ZNF451: variants seen among roughly 807,000 people sequenced by gnomAD.
The protein encoded by ZNF451 is zinc finger protein 451, also known as E3 SUMO-protein ligase ZNF451.
In ZNF451, 80 loss-of-function variants were observed where a neutral mutation model predicts 107.1. The observed-to-expected ratio is 0.75, with a 90% CI of 0.62 to 0.90. The LOEUF (loss-of-function observed/expected upper bound fraction) is 0.90. Ranked by LOEUF, ZNF451 falls within the 40% of genes least tolerant of loss-of-function variation. The pLI, the probability that ZNF451 is intolerant of heterozygous loss-of-function variation, is 0.00. For missense variants in ZNF451, 1,107 were observed against 1,236.2 expected (o/e 0.90, Z 1.57); for synonymous variants, 362 against 406.5 (o/e 0.89, Z 1.32).
At chr6:57,108,966 T>C (rs2127947062) in intron 3 of ZNF451, 3 of 985,446 alleles carry the variant, frequency 3.0e-6, no homozygotes, top group Non-Finnish European at 3.6e-6. Flanking sequence ...CCATGTGTTT[T>C]TCAAAGCCCC....
chr6:57,154,295 G>A, intron 13 of ZNF451: 2 of 588,960 alleles, frequency 3.4e-6, no homozygotes, highest in Admixed American at 3.0e-5. Context: ...CTATATTGAT[G>A]TATATAAAAC....
intron 13 of ZNF451, among the ~76,000 whole-genome samples, chr6:57,158,085 A>G (rs1763514344): frequency 6.6e-6 from 1 of 152,218 alleles, no homozygotes; most frequent in Non-Finnish European, 1.5e-5. Flanking sequence ...GGAAGGAAGC[A>G]CAGGTTCAGA....
intron 2 of ZNF451, among the ~76,000 whole-genome samples, chr6:57,097,277 A>G (rs1005580984): frequency 5.3e-5 from 8 of 152,144 alleles, no homozygotes; most frequent in Admixed American, 5.2e-4. Context: ...AAAAGATGGC[A>G]GTTTCTTGGT....
intron 3 of ZNF451, chr6:57,104,879 G>C: frequency 1.0e-6 from 1 of 985,398 alleles, no homozygotes; most frequent in Non-Finnish European, 1.2e-6. Context: ...TCAAATTGGT[G>C]ACCAAGTAGT....
intron 3 of ZNF451, chr6:57,108,602 T>C: frequency 4.1e-6 from 4 of 985,436 alleles, no homozygotes; most frequent in Non-Finnish European, 4.8e-6. Flanking sequence ...AATATAGTTA[T>C]ATAAGTAGTC....
At chr6:57,163,948 C>T (rs1763792938) in intron 14 of ZNF451, among the ~76,000 whole-genome samples, 1 of 152,104 alleles carries the variant, frequency 6.6e-6, no homozygotes, top group Non-Finnish European at 1.5e-5. Flanking sequence ...TTTAAGCAAC[C>T]TCTTAAGTGT....
chr6:57,156,628 T>C (rs1425795848), intron 13 of ZNF451, among the ~76,000 whole-genome samples: 1 of 152,204 alleles, frequency 6.6e-6, no homozygotes, highest in Non-Finnish European at 1.5e-5. Context: ...TCCCCCAAAA[T>C]AAACATGTAT....
intron 2 of ZNF451, among the ~76,000 whole-genome samples, chr6:57,097,453 T>G (rs1829383049): frequency 6.6e-6 from 1 of 152,234 alleles, no homozygotes; most frequent in South Asian, 2.1e-4. Flanking sequence ...TCCTTTCTTT[T>G]GTTTCCAACA....
intron 3 of ZNF451, among the ~76,000 whole-genome samples, chr6:57,112,219 G>T (rs1230450047): frequency 6.6e-6 from 1 of 152,222 alleles, no homozygotes; most frequent in African/African-American, 2.4e-5. Flanking sequence ...GCAAACTTCA[G>T]ACCAAACTAT....
chr6:57,144,816 G>A (rs1831979704), intron 9 of ZNF451, among the ~76,000 whole-genome samples: 1 of 151,952 alleles, frequency 6.6e-6, no homozygotes, highest in Admixed American at 6.6e-5. Context: ...TGTAATCCCA[G>A]CTACTTGGTG....
At chr6:57,143,106 A>G (rs1160723048) in intron 9 of ZNF451, among the ~76,000 whole-genome samples, 2 of 151,982 alleles carry the variant, frequency 1.3e-5, no homozygotes, top group Non-Finnish European at 2.9e-5. Context: ...AGAATACAGG[A>G]ATTTCTAGAA....
chr6:57,126,558 C>G (rs1830938563), intron 4 of ZNF451: 1 of 151,974 alleles, frequency 6.6e-6, no homozygotes, highest in South Asian at 2.1e-4. Flanking sequence ...GGTGTCTTCA[C>G]TATTAAAGTA....
chr6:57,107,862 G>A (rs930886953), intron 3 of ZNF451: 58 of 893,464 alleles, frequency 6.5e-5, no homozygotes, highest in Middle Eastern at 5.7e-4. Context: ...TTTTTGAGAC[G>A]GAGTCTTGCT....
chr6:57,119,861 T>C (rs1021027029), intron 3 of ZNF451, among the ~76,000 whole-genome samples: 1 of 152,228 alleles, frequency 6.6e-6, no homozygotes, highest in Admixed American at 6.5e-5. Context: ...ATTACTTTTT[T>C]TTTTTTTGGT....
intron 3 of ZNF451, chr6:57,115,553 G>T (rs1192078067): frequency 6.6e-6 from 1 of 152,146 alleles, no homozygotes; most frequent in Non-Finnish European, 1.5e-5. Context: ...TTTGCTCTGT[G>T]CATGTTTTAC....
intron 9 of ZNF451, among the ~76,000 whole-genome samples, chr6:57,146,615 A>C (rs1593155509): frequency 6.6e-6 from 1 of 152,084 alleles, no homozygotes; most frequent in Admixed American, 6.6e-5. Flanking sequence ...ATTCTGTTCC[A>C]TTGATCTGTG....
At chr6:57,133,561 A>G (rs555972856) in intron 6 of ZNF451, among the ~76,000 whole-genome samples, 11 of 152,352 alleles carry the variant, frequency 7.2e-5, no homozygotes, top group Non-Finnish European at 1.5e-4. Context: ...GCCTGAAGAA[A>G]GGTAATAGGC....
At chr6:57,127,160 G>C (rs947630931) in intron 4 of ZNF451, among the ~76,000 whole-genome samples, 7 of 152,198 alleles carry the variant, frequency 4.6e-5, no homozygotes, top group Admixed American at 3.9e-4. Flanking sequence ...ATTCAGTATA[G>C]TGATCCTGTA....
chr6:57,119,397 C>T (rs1403133242), intron 3 of ZNF451, among the ~76,000 whole-genome samples: 4 of 152,010 alleles, frequency 2.6e-5, no homozygotes, highest in Admixed American at 6.5e-5. Context: ...TGGTGGCACG[C>T]GCCTGCAATC....
Sources: gnomAD v4.1 joint callset for allele counts (sites outside exome capture counted in the v4.1 genomes callset) on GRCh38, gnomAD v4.1.1 for gene constraint, MANE v1.5 for transcripts, NCBI Gene and HGNC (gene_info 2026-07-23, HGNC 2026-07-21) for gene names.